DNAJC5: variants seen among roughly 807,000 people sequenced by gnomAD.
DNAJC5 encodes dnaJ homolog subfamily C member 5.
Under a neutral mutation model 23.2 loss-of-function variants are expected in DNAJC5, and 1 was observed. The ratio of observed to expected loss-of-function variants is 0.04; its 90% CI spans 0.02 to 0.20. The LOEUF is 0.20. Among genes scored for constraint, DNAJC5 ranks in the 10% least tolerant of loss-of-function variants. The pLI, the probability that DNAJC5 is intolerant of heterozygous loss-of-function variation, is 1.00. For synonymous variants in DNAJC5, 136 were observed against 120.0 expected, an observed-to-expected ratio of 1.13 and a Z score of -0.87; for missense variants, 180 against 267.0, an observed-to-expected ratio of 0.67 and a Z score of 2.27.
intron 1 of DNAJC5, among the ~76,000 whole-genome samples, chr20:63,918,879 C>A (rs1236901105): frequency 6.6e-6 from 1 of 152,248 alleles, no homozygotes; most frequent in African/African-American, 2.4e-5. Flanking sequence ...CAGGCGTGAG[C>A]CACCACGCCC....
intron 1 of DNAJC5, among the ~76,000 whole-genome samples, chr20:63,911,887 C>G (rs1004844195): frequency 9.2e-5 from 14 of 151,904 alleles, no homozygotes; most frequent in Admixed American, 8.5e-4. Flanking sequence ...ACCATGTTGC[C>G]CAGAATGATC....
Position 63,935,720 on chromosome 20 carries a change from GT to G in DNAJC5, c.*4155del, listed in dbSNP as rs1458129496. The stretch of plus-strand genomic sequence containing the variant: ...CAGGCGGCACCTTTTGGTAGAGTTT[GT>G]TTCCCTGGAAAATGGGGAAAATGTT... On this transcript the variant is annotated 3_prime_UTR_variant, in exon 5 of 5. Transcript: ENST00000360864. 2 of 152,278 alleles carry G rather than the reference GT, an allele frequency of 1.3e-5. No homozygotes were observed. Among genetic ancestry groups the G allele is most frequent in the African/African-American group, 2.4e-5 (1 of 41,466 alleles). 9.4% of individuals were successfully genotyped at this position (152,278 alleles called of 1,614,324 possible).
At chr20:63,925,659 A>G (rs1009177523) in intron 1 of DNAJC5, among the ~76,000 whole-genome samples, 1 of 151,202 alleles carries the variant, frequency 6.6e-6, no homozygotes, top group Non-Finnish European at 1.5e-5. Context: ...TTCACCGGGA[A>G]CCCGCCCCAT....
chr20:63,928,600 A>G lies in DNAJC5; in HGVS notation c.107+148A>G. ...GGTCACAGCTCGGTAACACCTTTGT[A>G]TGTGTAATGTGCTCCTTATAGCTTA... On this transcript the variant is annotated intron_variant, in intron 2 of 4. Coordinates refer to ENST00000360864, the MANE Select transcript of DNAJC5 (RefSeq NM_025219.3). This position sits in a 1 kb window ranked among gnomAD's most constrained non-coding sequence, Gnocchi z 4.6. The G allele has an allele frequency of 2.8e-6, 2 of 709,134 alleles. No homozygotes were observed. Among genetic ancestry groups the G allele is most frequent in the Non-Finnish European group, 2.6e-6 (1 of 389,472 alleles). 43.9% of individuals were successfully genotyped at this position (709,134 alleles called of 1,614,324 possible).
chr20:63,912,799 G>C (rs893623116), intron 1 of DNAJC5, among the ~76,000 whole-genome samples: 6 of 152,050 alleles, frequency 3.9e-5, no homozygotes, highest in Non-Finnish European at 8.8e-5. Flanking sequence ...AGTTGAGACG[G>C]GGTTTCACCA....
At chr20:63,930,799 C>T (rs897303331) in intron 3 of DNAJC5, 52 bp from the exon 4 acceptor site, 249 of 1,609,568 alleles carry the variant, frequency 1.5e-4, no homozygotes, top group Non-Finnish European at 7.1e-5. Flanking sequence ...TCCTGCGCCT[C>T]CCTCTCCAGG....
chr20:63,899,793 G>A (rs752955962), intron 1 of DNAJC5, among the ~76,000 whole-genome samples: 1 of 151,916 alleles, frequency 6.6e-6, no homozygotes, highest in Non-Finnish European at 1.5e-5. Flanking sequence ...GTGTTAGCCA[G>A]GATGGTCTCG....
At chr20:63,896,663 T>G (rs1329727371) in intron 1 of DNAJC5, among the ~76,000 whole-genome samples, 1 of 152,304 alleles carries the variant, frequency 6.6e-6, no homozygotes, top group East Asian at 1.9e-4. Context: ...CTGCCTGCCT[T>G]GCCACCCAGT....
At chr20:63,903,550 G>T (rs1451651270) in intron 1 of DNAJC5, among the ~76,000 whole-genome samples, 1 of 152,228 alleles carries the variant, frequency 6.6e-6, no homozygotes, top group East Asian at 1.9e-4. Context: ...CTCATGGTCT[G>T]CGCACCTTGG....
intron 1 of DNAJC5, among the ~76,000 whole-genome samples, chr20:63,914,011 G>A (rs1215094068): frequency 6.6e-6 from 1 of 152,170 alleles, no homozygotes; most frequent in African/African-American, 2.4e-5. Context: ...GAGGCCACCT[G>A]CCCAGCCACC....
chr20:63,919,271 C>A (rs1308421430), intron 1 of DNAJC5, among the ~76,000 whole-genome samples: 2 of 152,358 alleles, frequency 1.3e-5, no homozygotes, highest in South Asian at 4.1e-4. Flanking sequence ...TATTTTGTTA[C>A]CACTGAGTCC....
intron 1 of DNAJC5, among the ~76,000 whole-genome samples, chr20:63,913,506 C>T (rs1350209851): frequency 1.3e-5 from 2 of 151,906 alleles, no homozygotes; most frequent in Non-Finnish European, 2.9e-5. Flanking sequence ...AAGTGATTCT[C>T]CCGCCTCAGT....
intron 1 of DNAJC5, among the ~76,000 whole-genome samples, chr20:63,906,853 C>T (rs2146276621): frequency 6.6e-6 from 1 of 152,080 alleles, no homozygotes; most frequent in Middle Eastern, 3.4e-3. Context: ...CCTGTAATCC[C>T]AGCACATTGG....
At position 63,929,500 on chromosome 20, in the gene DNAJC5, TC is replaced by T; in HGVS notation, c.297del (p.Phe99LeufsTer122). 6.2e-7 allele frequency: 1 copy of T among 1,613,948 alleles called. No individual in the cohort carries two copies. Among genetic ancestry groups the T allele is most frequent in the African/African-American group, 1.3e-5 (1 of 75,014 alleles). ...GGGGAAGAGAACGTGAACACCTACTTCGTGCTGTCCAGCTGGTGGGCCAAGG... is the reference window on the plus strand; with the variant it reads ...GGGGAAGAGAACGTGAACACCTACTTGTGCTGTCCAGCTGGTGGGCCAAGG... ...QFGEENVNTY[F>X]VLSSWWAKAL... On this transcript the variant is annotated frameshift_variant, in exon 3 of 5. Coordinates refer to ENST00000360864, the MANE Select transcript of DNAJC5 (RefSeq NM_025219.3). LOFTEE classifies it high-confidence loss of function. This position sits in a 1 kb window ranked among gnomAD's most constrained non-coding sequence, Gnocchi z 8.6.
rs35762256 is a variant in DNAJC5, at chr20:63,925,461, C to T, written c.-11-2874C>T. On this transcript the variant is annotated intron_variant, in intron 1 of 4. Transcript: ENST00000360864. Reference sequence around the variant, plus strand: ...TCACACCACTGCACTCCAGCCTGGGCAAACAGAGCGAGACTCCACCTCAAA... The same window carrying T: ...TCACACCACTGCACTCCAGCCTGGGTAAACAGAGCGAGACTCCACCTCAAA... Among the ~76,000 whole-genome samples, 329 of 152,098 alleles carry T rather than the reference C, an allele frequency of 2.2e-3. 1 individual carries two copies. Among genetic ancestry groups the T allele is most frequent in the Non-Finnish European group, 3.9e-3 (267 of 67,990 alleles).
In DNAJC5 at chr20:63,933,938, C is replaced by A. The variant is rs1333510450; in HGVS notation, c.*2370C>A. ...ACCATTTTGTAGAACCATGCAGCTC[C>A]CTGCGGAAGGTGGGGTAGGGTGGGA... is the stretch of plus-strand genomic sequence containing the variant. On this transcript the variant is annotated 3_prime_UTR_variant, in exon 5 of 5. Transcript: ENST00000360864. 2.0e-5 allele frequency: 3 copies of A among 152,400 alleles called. No homozygotes were observed. The highest frequency in any genetic ancestry group is 4.4e-5 in the Non-Finnish European group (3 of 68,100). The allele number at this position is 152,400 out of a possible 1,614,324, so 9.4% of individuals were successfully genotyped here.
intron 1 of DNAJC5, among the ~76,000 whole-genome samples, chr20:63,915,206 G>A (rs557035572): frequency 2.5e-4 from 38 of 152,202 alleles, no homozygotes; most frequent in African/African-American, 8.9e-4. Flanking sequence ...GGTGACAAGT[G>A]TCAGAAGATA....
chr20:63,934,401 T>C lies in DNAJC5; in HGVS notation c.*2833T>C, dbSNP rs2053700299. On this transcript the variant is annotated 3_prime_UTR_variant, in exon 5 of 5. Coordinates refer to ENST00000360864, the MANE Select transcript of DNAJC5 (RefSeq NM_025219.3). Reference sequence around the variant, plus strand: ...CCGCAGACAATGCTGTGAGCAAGTGTGGCCATGGGCACAGAATGTCCCTTT... The same window carrying C: ...CCGCAGACAATGCTGTGAGCAAGTGCGGCCATGGGCACAGAATGTCCCTTT... 1 of 152,262 alleles carries C rather than the reference T, an allele frequency of 6.6e-6. No homozygotes were observed. The highest frequency in any genetic ancestry group is 2.4e-5 in the African/African-American group (1 of 41,450). 9.4% of individuals were successfully genotyped at this position (152,262 alleles called of 1,614,324 possible).
At chr20:63,907,835 G>A (rs187860147) in intron 1 of DNAJC5, among the ~76,000 whole-genome samples, 16 of 152,264 alleles carry the variant, frequency 1.1e-4, no homozygotes, top group East Asian at 9.7e-4. Flanking sequence ...GCGCGATCTC[G>A]GCTCATTGCA....
Sources: allele counts gnomAD v4.1 joint callset (sites outside exome capture counted in the v4.1 genomes callset), GRCh38; gene constraint gnomAD v4.1.1; non-coding constraint Gnocchi (gnomAD v3.1); transcripts MANE v1.5; gene names NCBI Gene and HGNC (gene_info 2026-07-23, HGNC 2026-07-21).